The following SIPA1L1 variants were observed in gnomAD, a reference collection of about 807,000 sequenced individuals.
SIPA1L1 encodes signal-induced proliferation-associated 1-like protein 1.
A neutral mutation model predicts 162.7 loss-of-function variants in SIPA1L1; 26 were observed. The ratio of observed to expected loss-of-function variants is 0.16; its 90% CI spans 0.12 to 0.22. The LOEUF (loss-of-function observed/expected upper bound fraction) is 0.22. Among genes scored for constraint, SIPA1L1 ranks in the 10% least tolerant of loss-of-function variants. SIPA1L1 has a pLI of 1.00. For missense variants in SIPA1L1, 1,874 were observed against 2,241.0 expected, an observed-to-expected ratio of 0.84 and a Z score of 3.31; for synonymous variants, 829 against 837.4, an observed-to-expected ratio of 0.99 and a Z score of 0.17.
At chr14:71,391,694 T>C (rs2040773975) in intron 2 of SIPA1L1, among the ~76,000 whole-genome samples, 1 of 152,168 alleles carries the variant, frequency 6.6e-6, no homozygotes, top group Non-Finnish European at 1.5e-5. Flanking sequence ...TGGGGGTTCT[T>C]TTTGTCGTCT....
intron 2 of SIPA1L1, among the ~76,000 whole-genome samples, chr14:71,441,877 A>G (rs145568822): frequency 1.4e-3 from 210 of 152,260 alleles, no homozygotes; most frequent in Non-Finnish European, 2.5e-3. Flanking sequence ...ATCAGGAGTA[A>G]CTTAAAATGT....
chr14:71,542,885 C>T (rs925799467), intron 4 of SIPA1L1, among the ~76,000 whole-genome samples: 1 of 151,664 alleles, frequency 6.6e-6, no homozygotes. Context: ...TGCCCTGCCC[C>T]TTCATTTCTT....
chr14:71,447,856 A>G (rs2045530678), intron 2 of SIPA1L1, among the ~76,000 whole-genome samples: 1 of 152,134 alleles, frequency 6.6e-6, no homozygotes, highest in Non-Finnish European at 1.5e-5. Flanking sequence ...GGTGTGAGCC[A>G]CCATGCCTGG....
At chr14:71,381,034 A>C (rs773859517) in intron 2 of SIPA1L1, among the ~76,000 whole-genome samples, 6 of 152,216 alleles carry the variant, frequency 3.9e-5, no homozygotes, top group Admixed American at 6.5e-5. Context: ...ACAAAATATA[A>C]GACATTCATT....
chr14:71,598,489 A>G (rs975444168), intron 5 of SIPA1L1, among the ~76,000 whole-genome samples: 1 of 152,234 alleles, frequency 6.6e-6, no homozygotes, highest in Non-Finnish European at 1.5e-5. Flanking sequence ...CTCTTGCCCA[A>G]GAGGCACAAC....
intron 4 of SIPA1L1, among the ~76,000 whole-genome samples, chr14:71,540,896 G>A (rs566340183): frequency 1.3e-5 from 2 of 152,346 alleles, no homozygotes; most frequent in South Asian, 4.1e-4. Context: ...GGAGGTCCAA[G>A]TAGGCGGATT....
chr14:71,367,908 C>G (rs905631311), intron 2 of SIPA1L1, among the ~76,000 whole-genome samples: 2 of 142,706 alleles, frequency 1.4e-5, no homozygotes, highest in African/African-American at 5.2e-5. Flanking sequence ...TGCCGGCCTT[C>G]CTTTTTTTTT....
intron 7 of SIPA1L1, among the ~76,000 whole-genome samples, chr14:71,643,480 T>G (rs917699659): frequency 6.6e-6 from 1 of 152,220 alleles, no homozygotes; most frequent in Non-Finnish European, 1.5e-5. Context: ...AAAATGTTAT[T>G]TTTAAATAAA....
intron 5 of SIPA1L1, among the ~76,000 whole-genome samples, chr14:71,593,256 C>A (rs184678668): frequency 6.6e-6 from 1 of 151,954 alleles, no homozygotes. Flanking sequence ...CTCTCACCTA[C>A]GCTGGAGTTC....
Position 71,694,202 on chromosome 14 carries a change from CA to C in SIPA1L1, c.3375-4778del, listed in dbSNP as rs977092220. 3.8e-4 allele frequency among the ~76,000 whole-genome samples: 58 copies of C among 151,974 alleles called. No homozygotes were observed. The East Asian group carries it at 6.8e-3, about 18-fold the overall frequency. The stretch of plus-strand genomic sequence containing the variant: ...TTCATGGAATAGGTGTGGTGGAGGA[CA>C]GGGGTGGTTGTGTTAGAAATCCGTG... On this transcript the variant is annotated intron_variant, in intron 13 of 23. Transcript: ENST00000381232.
intron 2 of SIPA1L1, among the ~76,000 whole-genome samples, chr14:71,333,011 A>T (rs1468508869): frequency 6.6e-6 from 1 of 152,180 alleles, no homozygotes; most frequent in Admixed American, 6.5e-5. Context: ...ATAATGGTGG[A>T]TAATTTTAGT....
intron 2 of SIPA1L1, among the ~76,000 whole-genome samples, chr14:71,464,499 G>A (rs1197543283): frequency 2.0e-5 from 3 of 152,020 alleles, no homozygotes; most frequent in South Asian, 4.2e-4. Context: ...AAATTAGCCC[G>A]GCCTGGTGGC....
intron 3 of SIPA1L1, among the ~76,000 whole-genome samples, chr14:71,524,638 G>A (rs921189265): frequency 6.6e-6 from 1 of 152,164 alleles, no homozygotes; most frequent in African/African-American, 2.4e-5. Flanking sequence ...AAATAGAGAT[G>A]AGGTCTCACT....
intron 2 of SIPA1L1, among the ~76,000 whole-genome samples, chr14:71,427,230 T>C (rs1310371195): frequency 6.6e-6 from 1 of 151,618 alleles, no homozygotes; most frequent in Non-Finnish European, 1.5e-5. Flanking sequence ...TAGTCAACTT[T>C]CTCAGCTTTT....
At chr14:71,603,971 ATATATTTATATATATT>A (rs1409596035) in intron 5 of SIPA1L1, among the ~76,000 whole-genome samples, 1 of 141,312 alleles carries the variant, frequency 7.1e-6, no homozygotes, top group African/African-American at 2.7e-5. Context: ...TTATATATAG[ATATATTTATATATATT>A]TATATATATA....
chr14:71,620,025 A>G (rs1259898542), intron 6 of SIPA1L1, among the ~76,000 whole-genome samples: 1 of 152,152 alleles, frequency 6.6e-6, no homozygotes, highest in Non-Finnish European at 1.5e-5. Context: ...ACTTGTATGC[A>G]GGTAGTTGCT....
chr14:71,355,036 ATGCACTGAATCATT>A (rs1255775286), intron 2 of SIPA1L1, among the ~76,000 whole-genome samples: 1 of 152,142 alleles, frequency 6.6e-6, no homozygotes, highest in Non-Finnish European at 1.5e-5. Context: ...GAGCATTGAG[ATGCACTGAATCATT>A]ATCAGTGTCA....
chr14:71,627,131 CTTTTTTTTTTT>C (rs71105788), intron 7 of SIPA1L1, among the ~76,000 whole-genome samples: 2 of 48,738 alleles, frequency 4.1e-5, no homozygotes, highest in African/African-American at 1.7e-4. Context: ...ACTTTCACTA[CTTTTTTTTTTT>C]TTTTTTTTTT....
chr14:71,725,072 G>C (rs1242783294), intron 19 of SIPA1L1, among the ~76,000 whole-genome samples: 6 of 152,198 alleles, frequency 3.9e-5, no homozygotes, highest in Admixed American at 3.9e-4. Context: ...CCCTACAGCT[G>C]TTTATTCTTC....
Sources: gnomAD v4.1 joint callset for allele counts (sites outside exome capture counted in the v4.1 genomes callset) on GRCh38, gnomAD v4.1.1 for gene constraint, MANE v1.5 for transcripts, NCBI Gene and HGNC (gene_info 2026-07-23, HGNC 2026-07-21) for gene names.